Variants in ZFYVE26 observed in about 807,000 individuals in gnomAD.
ZFYVE26 encodes the protein zinc finger FYVE domain-containing protein 26.
In ZFYVE26, 181 loss-of-function variants were observed where a neutral mutation model predicts 276.5. The ratio of observed to expected loss-of-function variants is 0.65; its 90% CI spans 0.58 to 0.74. ZFYVE26 has a LOEUF of 0.74. Among genes scored for constraint, ZFYVE26 ranks in the 30% least tolerant of loss-of-function variants. ZFYVE26 has a pLI of 0.00. For missense variants in ZFYVE26, 2,821 were observed against 3,097.9 expected, an observed-to-expected ratio of 0.91 and a Z score of 2.12; for synonymous variants, 1,129 against 1,203.1, an observed-to-expected ratio of 0.94 and a Z score of 1.27.
chr14:67,787,203 G>T (rs2039681983), intron 16 of ZFYVE26, among the ~76,000 whole-genome samples: 1 of 152,074 alleles, frequency 6.6e-6, no homozygotes, highest in Admixed American at 6.6e-5. Context: ...AATTAGCTGG[G>T]CGTGGTGGCA....
chr14:67,772,221 G>A lies in ZFYVE26; in HGVS notation c.5321-11C>T. On this transcript the variant is annotated splice_polypyrimidine_tract_variant and intron_variant, in intron 27 of 41. Coordinates refer to ENST00000347230, the MANE Select transcript of ZFYVE26 (RefSeq NM_015346.4). The stretch of plus-strand genomic sequence containing the variant: ...GTATACTGGAGATACCTGGGAGGCA[G>A]AGCCAGAGGTCAGAGTAAAAGGTAA... 1 of 1,612,006 alleles carries A rather than the reference G, an allele frequency of 6.2e-7. No homozygotes were observed. The highest frequency in any genetic ancestry group is 1.1e-5 in the South Asian group (1 of 90,442).
chr14:67,749,911 T>C (rs1351743392), intron 41 of ZFYVE26, among the ~76,000 whole-genome samples: 1 of 152,204 alleles, frequency 6.6e-6, no homozygotes, highest in Non-Finnish European at 1.5e-5. Flanking sequence ...TGGAGTTGAA[T>C]GAAGTTGTTT....
rs1405466014 is a variant in ZFYVE26, at chr14:67,729,288, C to T, written n.3211G>A. On this transcript the variant is annotated non_coding_transcript_exon_variant, in exon 14 of 15. Coordinates refer to the ZFYVE26 transcript ENST00000394455. Reference sequence around the variant, plus strand: ...TCTGCCTGCTCTGGCGGCTCTTCTCCCCCTTTGTCAAGACGGCACGGGAGG... The same window carrying T: ...TCTGCCTGCTCTGGCGGCTCTTCTCTCCCTTTGTCAAGACGGCACGGGAGG... 2 of 1,604,770 alleles carry T rather than the reference C, an allele frequency of 1.2e-6. No individual in the cohort carries two copies. Among genetic ancestry groups the T allele is most frequent in the Admixed American group, 1.7e-5 (1 of 60,024 alleles).
rs1437722821 is a variant in ZFYVE26, at chr14:67,807,504, G to A, written c.780C>T (p.Leu260=). 2 of 1,613,958 alleles carry A rather than the reference G, an allele frequency of 1.2e-6. No homozygotes were observed. The highest frequency in any genetic ancestry group is 1.7e-6 in the Non-Finnish European group (2 of 1,180,024). Residue 260 remains leucine (L), a synonymous_variant, in exon 5 of 42, where the codon CTC becomes CTT. Transcript: ENST00000347230. Reference sequence around the variant, plus strand: ...GGCTGGCCTTGTGCAGCAGGCAGCTGAGCAGCCGCTCCTCCCGCAGGGGAC... The same window carrying A: ...GGCTGGCCTTGTGCAGCAGGCAGCTAAGCAGCCGCTCCTCCCGCAGGGGAC... ...EGSPLREERL[L]SCLLHKASRG...
Position 67,787,552 on chromosome 14 carries a change from GC to G in ZFYVE26, c.3020-1320del, listed in dbSNP as rs2039689884. 2.0e-5 allele frequency among the ~76,000 whole-genome samples: 3 copies of G among 152,236 alleles called. No homozygotes were observed. The South Asian group carries it at 6.2e-4, about 32-fold the overall frequency. The stretch of plus-strand genomic sequence containing the variant: ...ATGATGTGATTGTTAAGCATTGTGT[GC>G]CTGTACCAAAAAATCTCATATACTC... On this transcript the variant is annotated intron_variant, in intron 16 of 41. Coordinates refer to ENST00000347230, the MANE Select transcript of ZFYVE26 (RefSeq NM_015346.4).
In ZFYVE26 at chr14:67,753,706, C is replaced by A. The variant is rs1555393338; in HGVS notation, c.7188+1G>T. The stretch of plus-strand genomic sequence containing the variant: ...TATGATTTGAATGATCCAAGTCATA[C>A]CTGCAGAACACGGAAAGCAATTCCA... On this transcript the variant is annotated splice_donor_variant, in intron 39 of 41. Coordinates refer to ENST00000347230, the MANE Select transcript of ZFYVE26 (RefSeq NM_015346.4). LOFTEE classifies it high-confidence loss of function. The A allele has an allele frequency of 5.0e-6, 8 of 1,613,380 alleles. No individual in the cohort carries two copies. Among genetic ancestry groups the A allele is most frequent in the Non-Finnish European group, 5.9e-6 (7 of 1,179,706 alleles).
chr14:67,771,755 G>A (rs1216550233), intron 28 of ZFYVE26, among the ~76,000 whole-genome samples: 1 of 152,138 alleles, frequency 6.6e-6, no homozygotes, highest in Non-Finnish European at 1.5e-5. Context: ...AGACATGGGA[G>A]CCAGAAACAA....
intron 40 of ZFYVE26, chr14:67,751,454 C>T (rs1424570235): frequency 2.8e-6 from 1 of 360,468 alleles, no homozygotes; most frequent in Admixed American, 3.9e-5. Context: ...CAGCGTAATA[C>T]ACTATAGTCC....
chr14:67,777,742 T>C lies in ZFYVE26; in HGVS notation c.4798-7A>G. ...CAGGGATTCTTCGCAGGAGCTATTG[T>C]CAAAGGGTAGAGGAGGAAGGTGTGG... On this transcript the variant is annotated splice_polypyrimidine_tract_variant and splice_region_variant and intron_variant, in intron 24 of 41. Transcript: ENST00000347230. 1 of 1,614,192 alleles carries C rather than the reference T, an allele frequency of 6.2e-7. No homozygotes were observed. Among genetic ancestry groups the C allele is most frequent in the Non-Finnish European group, 8.5e-7 (1 of 1,180,026 alleles).
At chr14:67,790,197 C>A (rs114187292) in intron 15 of ZFYVE26, among the ~76,000 whole-genome samples, 200 of 152,314 alleles carry the variant, frequency 1.3e-3, no homozygotes, top group African/African-American at 4.4e-3. Context: ...CCCAACTGCA[C>A]TTTATAGAAC....
chr14:67,735,416 T>C (rs59945885), intron 13 of ZFYVE26: 16,589 of 647,098 alleles, frequency 0.026, 1,627 homozygotes, highest in African/African-American at 0.24. Flanking sequence ...TGCCGCAAGT[T>C]AACATCTGAG....
At chr14:67,787,585 T>C (rs1447545949) in intron 16 of ZFYVE26, among the ~76,000 whole-genome samples, 1 of 151,948 alleles carries the variant, frequency 6.6e-6, no homozygotes, top group Non-Finnish European at 1.5e-5. Flanking sequence ...ACTCCATAAA[T>C]ACATACACCG....
In ZFYVE26 at chr14:67,793,699, G is replaced by C. The variant is rs1213191723; in HGVS notation, c.2462C>G (p.Pro821Arg). 6.2e-7 allele frequency: 1 copy of C among 1,613,928 alleles called. No homozygotes were observed. Among genetic ancestry groups the C allele is most frequent in the Admixed American group, 1.7e-5 (1 of 59,998 alleles). Residue 821 changes from proline (P) to arginine (R), a missense_variant, in exon 14 of 42, where the codon CCT (proline) becomes CGT (arginine). Physicochemically the swap from Pro to Arg is moderately radical, Grantham distance 103. Transcript: ENST00000347230. ...NELHSRLHPH[P>R]QSSLIPMMFS... ...CATCATGGGGATGAGTGAACTTTGA[G>C]GATGGGGGTGCAATCTACTGTGCAG...
At chr14:67,790,478 C>T in intron 15 of ZFYVE26, 94 bp downstream of exon 15, 3 of 1,349,918 alleles carry the variant, frequency 2.2e-6, no homozygotes, top group Non-Finnish European at 3.2e-6. Flanking sequence ...TTTCTGCTCA[C>T]CCTCATGAGG....
intron 13 of ZFYVE26, among the ~76,000 whole-genome samples, chr14:67,732,253 A>G (rs1034294624): frequency 1.3e-5 from 2 of 151,884 alleles, no homozygotes; most frequent in Non-Finnish European, 2.9e-5. Flanking sequence ...CCTGGACAAC[A>G]AAGTGAGACC....
At chr14:67,809,760 GT>G (rs1566899576) in intron 3 of ZFYVE26, among the ~76,000 whole-genome samples, 1 of 139,014 alleles carries the variant, frequency 7.2e-6, no homozygotes, top group Admixed American at 7.4e-5. Context: ...TCCTGGATAT[GT>G]TTTCAGTACT....
At chr14:67,774,164 C>T (rs1399639804) in intron 27 of ZFYVE26, among the ~76,000 whole-genome samples, 1 of 152,196 alleles carries the variant, frequency 6.6e-6, no homozygotes, top group Non-Finnish European at 1.5e-5. Context: ...TTGAGTCACC[C>T]AATACTCAAC....
Position 67,778,197 on chromosome 14 carries a change from G to A in ZFYVE26, c.4726C>T (p.His1576Tyr). The A allele has an allele frequency of 6.2e-7, 1 of 1,614,148 alleles. No homozygotes were observed. Among genetic ancestry groups the A allele is most frequent in the Non-Finnish European group, 8.5e-7 (1 of 1,180,014 alleles). ...TGCTTTTGATGAAGGCTGATTAAATGTTCTCTTGGAATGGGGTACAGGCAG... is the reference window on the plus strand; with the variant it reads ...TGCTTTTGATGAAGGCTGATTAAATATTCTCTTGGAATGGGGTACAGGCAG... ...WGCLYPIPRE[H>Y]LISLHQKHLL... Residue 1576 changes from histidine (H) to tyrosine (Y), a missense_variant, in exon 24 of 42, where the codon CAT becomes TAT. By Grantham distance (83) the His-to-Tyr change is moderately conservative (BLOSUM62 2). Transcript: ENST00000347230.
At chr14:67,777,977 T>C in intron 24 of ZFYVE26, 149 bp downstream of exon 24, 1 of 1,317,740 alleles carries the variant, frequency 7.6e-7, no homozygotes. Context: ...CTAGGCCCCT[T>C]CTGCTCAAGA....
Sources: allele counts gnomAD v4.1 joint callset (sites outside exome capture counted in the v4.1 genomes callset), GRCh38; gene constraint gnomAD v4.1.1; transcripts MANE v1.5; gene names NCBI Gene and HGNC (gene_info 2026-07-23, HGNC 2026-07-21).